Variants in GNPTAB observed in about 807,000 individuals in gnomAD.
GNPTAB encodes the protein N-acetylglucosamine-1-phosphotransferase subunits alpha/beta.
A neutral mutation model predicts 136.6 loss-of-function variants in GNPTAB; 92 were observed. The ratio of observed to expected loss-of-function variants is 0.67; its 90% CI spans 0.57 to 0.80. The LOEUF (loss-of-function observed/expected upper bound fraction) is 0.80, where lower values mean the gene tolerates loss of function less well. Among genes scored for constraint, GNPTAB ranks in the 30% least tolerant of loss-of-function variants. The pLI is 0.00. For missense variants in GNPTAB, 1,343 were observed against 1,501.8 expected, an observed-to-expected ratio of 0.89 and a Z score of 1.75; for synonymous variants, 512 against 535.1, an observed-to-expected ratio of 0.96 and a Z score of 0.60.
chr12:101,793,479 A>G (rs1018704388), intron 2 of GNPTAB, among the ~76,000 whole-genome samples: 1 of 152,204 alleles, frequency 6.6e-6, no homozygotes, highest in African/African-American at 2.4e-5. Context: ...CATGTATTAC[A>G]TGATCAATTT....
intron 7 of GNPTAB, among the ~76,000 whole-genome samples, chr12:101,772,204 T>G (rs573589266): frequency 6.6e-5 from 10 of 152,314 alleles, no homozygotes; most frequent in African/African-American, 2.4e-4. Flanking sequence ...CTTTCATCAC[T>G]CAGGAAAAGG....
intron 3 of GNPTAB, among the ~76,000 whole-genome samples, chr12:101,789,691 C>G (rs1460456038): frequency 6.6e-6 from 1 of 152,118 alleles, no homozygotes; most frequent in Non-Finnish European, 1.5e-5. Flanking sequence ...ACTATGTTGC[C>G]CAGGCTGGTC....
At chr12:101,755,710 C>T (rs1162918632) in intron 18 of GNPTAB, among the ~76,000 whole-genome samples, 1 of 152,118 alleles carries the variant, frequency 6.6e-6, no homozygotes, top group African/African-American at 2.4e-5. Flanking sequence ...GTTTTCCATG[C>T]CTGACTTAAA....
intron 3 of GNPTAB, 27 bp downstream of exon 3, chr12:101,789,911 T>G: frequency 1.2e-6 from 2 of 1,610,844 alleles, no homozygotes; most frequent in Non-Finnish European, 1.7e-6. Context: ...ATTACCCATC[T>G]GATGTGAAAA....
intron 1 of GNPTAB, among the ~76,000 whole-genome samples, chr12:101,823,096 C>T (rs1031602576): frequency 2.6e-5 from 4 of 152,180 alleles, no homozygotes; most frequent in Non-Finnish European, 5.9e-5. Flanking sequence ...GAAAGGACTG[C>T]TGAGGTCCTG....
At chr12:101,817,588 C>T (rs1870571032) in intron 1 of GNPTAB, among the ~76,000 whole-genome samples, 1 of 151,952 alleles carries the variant, frequency 6.6e-6, no homozygotes, top group East Asian at 1.9e-4. Context: ...AGATTGTATG[C>T]ATGTATAAAA....
rs1952988325 is a variant in GNPTAB, at chr12:101,761,267, AAAAAT to A, written c.2990_2994del (p.Tyr997LeufsTer17). 6.2e-7 allele frequency: 1 copy of A among 1,614,120 alleles called. No individual in the cohort carries two copies. ...GGCTGCACTGCACTCATGAGATAAT[AAAAAT>A]AAGAGAAGGCAAACTGCATATCCTC... On this transcript the variant is annotated frameshift_variant, in exon 15 of 21. Transcript: ENST00000299314. LOFTEE classifies it high-confidence loss of function.
At position 101,784,646 on chromosome 12, in the gene GNPTAB, G is replaced by A. The variant is rs183767925; in HGVS notation, c.571+1366C>T. 2.5e-3 allele frequency among the ~76,000 whole-genome samples: 371 copies of A among 149,268 alleles called. 4 individuals carry two copies. The highest frequency in any genetic ancestry group is 3.7e-3 in the Admixed American group (56 of 15,112). ...TGAGGGAATTCAGTCTGGTGTGGAG[G>A]AAATAAGTAAGGTAAGAACCTAAGA... On this transcript the variant is annotated intron_variant, in intron 5 of 20. Transcript: ENST00000299314.
chr12:101,828,412 T>G (rs1871210150), intron 1 of GNPTAB, among the ~76,000 whole-genome samples: 1 of 152,160 alleles, frequency 6.6e-6, no homozygotes, highest in Non-Finnish European at 1.5e-5. Flanking sequence ...ACGCCTGTAA[T>G]CCCATGGGAG....
At chr12:101,801,076 A>C (rs1336546483) in intron 1 of GNPTAB, among the ~76,000 whole-genome samples, 2 of 151,048 alleles carry the variant, frequency 1.3e-5, no homozygotes, top group African/African-American at 4.9e-5. Flanking sequence ...TCTACAAAAA[A>C]TAAAAAATTG....
At chr12:101,804,931 G>A (rs1259828268) in intron 1 of GNPTAB, among the ~76,000 whole-genome samples, 1 of 152,132 alleles carries the variant, frequency 6.6e-6, no homozygotes, top group Non-Finnish European at 1.5e-5. Context: ...CAAGTGAGCT[G>A]ATAAAATATT....
At chr12:101,799,734 T>TCGC (rs372805667) in intron 1 of GNPTAB, among the ~76,000 whole-genome samples, 96,882 of 151,768 alleles carry the variant, frequency 0.64, 32,290 homozygotes, top group East Asian at 0.92. Context: ...AGTAAGTACT[T>TCGC]CTATTAAAGT....
intron 18 of GNPTAB, among the ~76,000 whole-genome samples, chr12:101,754,296 G>A (rs1440567384): frequency 6.6e-6 from 1 of 151,848 alleles, no homozygotes; most frequent in Non-Finnish European, 1.5e-5. Context: ...GGGTGTGGTG[G>A]CATGCCTGTA....
chr12:101,772,746 G>A (rs770201702), intron 7 of GNPTAB, among the ~76,000 whole-genome samples: 2 of 152,102 alleles, frequency 1.3e-5, no homozygotes, highest in Non-Finnish European at 2.9e-5. Context: ...CCCTCTCACA[G>A]CACCCCCAAA....
chr12:101,762,041 C>T (rs1230724391), intron 13 of GNPTAB, among the ~76,000 whole-genome samples: 1 of 152,198 alleles, frequency 6.6e-6, no homozygotes, highest in Non-Finnish European at 1.5e-5. Flanking sequence ...TCTTCAAGGA[C>T]TGGTCACTGA....
At chr12:101,778,811 C>T (rs1953295749) in intron 7 of GNPTAB, 1 of 151,978 alleles carries the variant, frequency 6.6e-6, no homozygotes, top group Admixed American at 6.6e-5. Context: ...GAGGCTGAGG[C>T]AGGAGAATCA....
At chr12:101,791,158 G>A (rs539024955) in intron 2 of GNPTAB, among the ~76,000 whole-genome samples, 8 of 152,240 alleles carry the variant, frequency 5.3e-5, no homozygotes, top group Non-Finnish European at 1.0e-4. Flanking sequence ...TAAAGAGTCA[G>A]GCAGGCTTTT....
intron 11 of GNPTAB, among the ~76,000 whole-genome samples, chr12:101,766,913 A>G (rs1953103389): frequency 6.6e-6 from 1 of 152,228 alleles, no homozygotes; most frequent in Admixed American, 6.5e-5. Context: ...AGAAGAGATT[A>G]TTCCAAAGAC....
At chr12:101,761,426 T>C in intron 14 of GNPTAB, 80 bp from the exon 15 acceptor site, 1 of 1,469,472 alleles carries the variant, frequency 6.8e-7, no homozygotes, top group African/African-American at 1.4e-5. Context: ...TGGACTTTTT[T>C]CTTTCTCACT....
Sources: gnomAD v4.1 joint callset for allele counts (sites outside exome capture counted in the v4.1 genomes callset) on GRCh38, gnomAD v4.1.1 for gene constraint, MANE v1.5 for transcripts, NCBI Gene and HGNC (gene_info 2026-07-23, HGNC 2026-07-21) for gene names.